Variants in PARD3B observed in about 807,000 individuals in gnomAD.
PARD3B encodes partitioning defective 3 homolog B.
In PARD3B, 103 loss-of-function variants were observed where a neutral mutation model predicts 130.2. That is an observed-to-expected ratio of 0.79 (90% CI 0.67 to 0.93). PARD3B has a LOEUF of 0.93. PARD3B is among the 40% of genes least tolerant of loss of function. The probability of loss-of-function intolerance (pLI) is 0.00; values close to 1 mark genes in which losing one functional copy is unlikely to be tolerated. For missense variants in PARD3B, 1,609 were observed against 1,499.2 expected (o/e 1.07, Z -1.21); for synonymous variants, 583 against 553.2 (o/e 1.05, Z -0.76).
At chr2:205,085,121 T>G (rs539044469) in intron 4 of PARD3B, among the ~76,000 whole-genome samples, 1 of 152,086 alleles carries the variant, frequency 6.6e-6, no homozygotes, top group Admixed American at 6.5e-5. Context: ...ATTAGGAGGC[T>G]ACGTTGTTAG....
chr2:204,612,835 G>C lies in PARD3B; in HGVS notation c.120+66716G>C, dbSNP rs183916766. ...CAATATGCTTGAGTGAATATTTCTT[G>C]ATTTTTAATATTAAGACCTTTTCAG... On this transcript the variant is annotated intron_variant, in intron 1 of 22. Coordinates refer to ENST00000406610, the MANE Select transcript of PARD3B (RefSeq NM_001302769.2). Among the ~76,000 whole-genome samples the C allele has an allele frequency of 3.2e-5, 4 of 126,428 alleles. No individual in the cohort carries two copies. The East Asian group carries it at 1.0e-3, about 32-fold the overall frequency. 82.9% of individuals were successfully genotyped at this position (126,428 alleles called of 152,430 possible).
chr2:204,764,606 A>T (rs1454432255), intron 2 of PARD3B, among the ~76,000 whole-genome samples: 1 of 152,108 alleles, frequency 6.6e-6, no homozygotes, highest in African/African-American at 2.4e-5. Flanking sequence ...ACAAACTTTG[A>T]ATAAATAGAT....
intron 2 of PARD3B, among the ~76,000 whole-genome samples, chr2:204,707,167 C>G (rs1289909837): frequency 6.6e-6 from 1 of 152,156 alleles, no homozygotes; most frequent in African/African-American, 2.4e-5. Flanking sequence ...TGTGCACTCT[C>G]CTACACATGC....
In PARD3B at chr2:205,473,015, C is replaced by T. The variant is rs745653979; in HGVS notation, c.3045-26881C>T. 6.6e-6 allele frequency among the ~76,000 whole-genome samples: 1 copy of T among 152,028 alleles called. No homozygotes were observed. The highest frequency in any genetic ancestry group is 2.4e-5 in the African/African-American group (1 of 41,408). ...AAAGTAAGTATAAGGAAGAGAATGA[C>T]CAAAAATAGAAGTTGAAGTGGTCCA... On this transcript the variant is annotated intron_variant, in intron 20 of 22. Transcript: ENST00000406610. The surrounding 1 kb of genome is among the most constrained non-coding windows in gnomAD (Gnocchi z 4.9).
At chr2:204,980,054 T>C (rs547793822) in intron 3 of PARD3B, among the ~76,000 whole-genome samples, 1 of 152,292 alleles carries the variant, frequency 6.6e-6, no homozygotes, top group East Asian at 1.9e-4. Context: ...ATAGATTCTA[T>C]GAAGAAATTT....
At position 205,091,427 on chromosome 2, in the gene PARD3B, C is replaced by T. The variant is rs998890036; in HGVS notation, c.505-12999C>T. Among the ~76,000 whole-genome samples the T allele has an allele frequency of 1.3e-5, 2 of 152,068 alleles. No homozygotes were observed. The highest frequency in any genetic ancestry group is 2.4e-5 in the African/African-American group (1 of 41,424). On this transcript the variant is annotated intron_variant, in intron 4 of 22. Transcript: ENST00000406610. This position sits in a 1 kb window ranked among gnomAD's most constrained non-coding sequence, Gnocchi z 4.2. ...GACCTCTCACTTTTCTGCACCTTCT[C>T]GGGGAAATAGATGAGGAGGGTGGCC...
intron 2 of PARD3B, among the ~76,000 whole-genome samples, chr2:204,925,757 C>A (rs1687565062): frequency 6.6e-6 from 1 of 152,034 alleles, no homozygotes; most frequent in Non-Finnish European, 1.5e-5. Context: ...GGCTCTGTGT[C>A]CCCACCCAAA....
intron 18 of PARD3B, among the ~76,000 whole-genome samples, chr2:205,381,024 ATATATTATATATAAAGAATATATAT>A (rs1455255889): frequency 3.6e-5 from 1 of 27,670 alleles, no homozygotes; most frequent in Non-Finnish European, 7.9e-5. Context: ...AATATATATG[ATATATTATATATAAAGAATATATAT>A]TATATATAAA....
chr2:205,260,451 G>C (rs1296334109), intron 16 of PARD3B, among the ~76,000 whole-genome samples: 1 of 152,122 alleles, frequency 6.6e-6, no homozygotes, highest in East Asian at 1.9e-4. Context: ...CATCTCTGCT[G>C]ACTCTCATTC....
In PARD3B at chr2:204,870,882, C is replaced by T. The variant is rs189350357; in HGVS notation, c.223-94270C>T. 3.9e-5 allele frequency among the ~76,000 whole-genome samples: 6 copies of T among 152,188 alleles called. No individual in the cohort carries two copies. In the East Asian group the frequency reaches 1.2e-3, roughly 29 times the overall value. On this transcript the variant is annotated intron_variant, in intron 2 of 22. Coordinates refer to ENST00000406610, the MANE Select transcript of PARD3B (RefSeq NM_001302769.2). ...ATTTTGATGTTTGTTTTGAGATCCT[C>T]AGCAACAAATTATATTTAGAGAAAT...
At chr2:205,064,276 G>T (rs1314223915) in intron 4 of PARD3B, among the ~76,000 whole-genome samples, 2 of 152,146 alleles carry the variant, frequency 1.3e-5, no homozygotes, top group Non-Finnish European at 2.9e-5. Flanking sequence ...AGTGAGAGAT[G>T]CAGCTGTGCT....
intron 1 of PARD3B, among the ~76,000 whole-genome samples, chr2:204,681,651 A>C (rs1244506137): frequency 6.6e-6 from 1 of 152,048 alleles, no homozygotes; most frequent in Non-Finnish European, 1.5e-5. Context: ...TCATTTTCCA[A>C]AACTCTTGTT....
rs183788802 is a variant in PARD3B, at chr2:205,057,120, C to T, written c.504+9430C>T. On this transcript the variant is annotated intron_variant, in intron 4 of 22. Transcript: ENST00000406610. The stretch of plus-strand genomic sequence containing the variant: ...AAGGTTGTATAATTTGTAATTTGTC[C>T]ACCGAGGTTCTCCTAGTATGAGGTG... 6.9e-4 allele frequency among the ~76,000 whole-genome samples: 105 copies of T among 151,266 alleles called. 1 individual carries two copies. In the East Asian group the frequency reaches 0.02, roughly 29 times the overall value.
intron 21 of PARD3B, among the ~76,000 whole-genome samples, chr2:205,504,236 A>G (rs911384584): frequency 6.6e-6 from 1 of 152,218 alleles, no homozygotes; most frequent in Non-Finnish European, 1.5e-5. Flanking sequence ...TTATACAAAA[A>G]TTAATTCAAG....
At chr2:204,727,167 A>G (rs1035708421) in intron 2 of PARD3B, among the ~76,000 whole-genome samples, 1 of 152,130 alleles carries the variant, frequency 6.6e-6, no homozygotes, top group African/African-American at 2.4e-5. Flanking sequence ...ATGGGCCCTG[A>G]CTTAGCCTGC....
At chr2:204,743,958 C>G (rs1418095466) in intron 2 of PARD3B, among the ~76,000 whole-genome samples, 1 of 152,096 alleles carries the variant, frequency 6.6e-6, no homozygotes, top group South Asian at 2.1e-4. Flanking sequence ...AGTAGGAAAA[C>G]CTGATTTCAG....
At chr2:205,316,132 T>C (rs1003603402) in intron 18 of PARD3B, among the ~76,000 whole-genome samples, 33 of 152,176 alleles carry the variant, frequency 2.2e-4, no homozygotes, top group Admixed American at 1.0e-3. Flanking sequence ...GCCCCTTTAG[T>C]CATTCTTGGT....
rs1702112377 is a variant in PARD3B, at chr2:205,091,526, A to C, written c.505-12900A>C. ...AGCAACCACCACCTCTCCTATTTAG[A>C]TATGGTCCCACAGAGCTATCACTAT... On this transcript the variant is annotated intron_variant, in intron 4 of 22. Transcript: ENST00000406610. This position sits in a 1 kb window ranked among gnomAD's most constrained non-coding sequence, Gnocchi z 4.2. 6.6e-6 allele frequency among the ~76,000 whole-genome samples: 1 copy of C among 152,162 alleles called. No individual in the cohort carries two copies. Among genetic ancestry groups the C allele is most frequent in the African/African-American group, 2.4e-5 (1 of 41,440 alleles).
rs1695690284 is a variant in PARD3B, at chr2:205,011,269, G to A, written c.395-36312G>A. 1.3e-5 allele frequency among the ~76,000 whole-genome samples: 2 copies of A among 152,146 alleles called. No individual in the cohort carries two copies. Among genetic ancestry groups the A allele is most frequent in the Admixed American group, 6.5e-5 (1 of 15,276 alleles). ...TGGCTTAGCTTGGTGATTCTGGCTCGGGGTTTCCCAAGAGTCTGTAGCCAA... is the reference window on the plus strand; with the variant it reads ...TGGCTTAGCTTGGTGATTCTGGCTCAGGGTTTCCCAAGAGTCTGTAGCCAA... On this transcript the variant is annotated intron_variant, in intron 3 of 22. Transcript: ENST00000406610. The surrounding 1 kb of genome is among the most constrained non-coding windows in gnomAD (Gnocchi z 4.1).
Sources: gnomAD v4.1 joint callset for allele counts (sites outside exome capture counted in the v4.1 genomes callset) on GRCh38, gnomAD v4.1.1 for gene constraint, Gnocchi (gnomAD v3.1) non-coding constraint, MANE v1.5 for transcripts, NCBI Gene and HGNC (gene_info 2026-07-23, HGNC 2026-07-21) for gene names.